MLANA: variants seen among roughly 807,000 people sequenced by gnomAD.
MLANA encodes melan-A, also known as melanoma antigen recognized by T-cells 1.
In MLANA, 21 loss-of-function variants were observed where a neutral mutation model predicts 15.7. The ratio of observed to expected loss-of-function variants is 1.33; its 90% CI spans 0.95 to 1.92. The LOEUF is 1.92. Ranked by LOEUF, MLANA falls within the 40% of genes most tolerant of loss-of-function variation. The probability of loss-of-function intolerance (pLI) is 0.00; values close to 1 mark genes in which losing one functional copy is unlikely to be tolerated. For synonymous variants in MLANA, 56 were observed against 51.5 expected, an observed-to-expected ratio of 1.09 and a Z score of -0.37; for missense variants, 164 against 143.8, an observed-to-expected ratio of 1.14 and a Z score of -0.72.
In MLANA at chr9:5,894,011, C is replaced by A. The variant is rs746666224; in HGVS notation, c.77+1460C>A. Among the ~76,000 whole-genome samples, 1 of 151,256 alleles carries A rather than the reference C, an allele frequency of 6.6e-6. No homozygotes were observed. Among genetic ancestry groups the A allele is most frequent in the Non-Finnish European group, 1.5e-5 (1 of 67,930 alleles). ...GGAAATGTGTGGCCAGACATGGTGG[C>A]GCTGGGATTTAAATCCAGGTCTGTT... is the stretch of plus-strand genomic sequence containing the variant. On this transcript the variant is annotated intron_variant, in intron 2 of 4. Coordinates refer to ENST00000381477, the MANE Select transcript of MLANA (RefSeq NM_005511.2). This position sits in a 1 kb window ranked among gnomAD's most constrained non-coding sequence, Gnocchi z 4.0.
intron 3 of MLANA, among the ~76,000 whole-genome samples, chr9:5,905,880 A>G (rs1195926325): frequency 6.6e-6 from 1 of 152,222 alleles, no homozygotes; most frequent in African/African-American, 2.4e-5. Flanking sequence ...ATGGTCATTC[A>G]TATCGGCACA....
intron 2 of MLANA, among the ~76,000 whole-genome samples, chr9:5,895,966 T>C (rs897174218): frequency 6.6e-6 from 1 of 152,150 alleles, no homozygotes; most frequent in Non-Finnish European, 1.5e-5. Flanking sequence ...AGCACAGGCA[T>C]GTTGGGAGTT....
chr9:5,893,514 G>A (rs1412156604), intron 2 of MLANA, among the ~76,000 whole-genome samples: 1 of 152,166 alleles, frequency 6.6e-6, no homozygotes, highest in Non-Finnish European at 1.5e-5. Flanking sequence ...AGAAGACCCT[G>A]GTATAGGATC....
chr9:5,908,293 A>T (rs1342943064), intron 4 of MLANA, among the ~76,000 whole-genome samples: 3 of 152,240 alleles, frequency 2.0e-5, no homozygotes, highest in Non-Finnish European at 4.4e-5. Context: ...CACAATTACA[A>T]CGATCTCTGT....
chr9:5,900,648 T>C (rs1010080727), intron 3 of MLANA, among the ~76,000 whole-genome samples: 4 of 152,174 alleles, frequency 2.6e-5, no homozygotes, highest in Non-Finnish European at 4.4e-5. Context: ...CTTTTCAACT[T>C]CCATTTGTCC....
intron 3 of MLANA, chr9:5,899,296 G>A (rs1209331235): frequency 6.6e-6 from 1 of 152,184 alleles, no homozygotes; most frequent in Non-Finnish European, 1.5e-5. Flanking sequence ...GGGGATTGAA[G>A]CTTGGCAAGC....
At chr9:5,904,512 G>A (rs1175645568) in intron 3 of MLANA, among the ~76,000 whole-genome samples, 7 of 151,824 alleles carry the variant, frequency 4.6e-5, no homozygotes, top group East Asian at 1.9e-4. Context: ...TCACTCTGTC[G>A]CCCAGGCTGG....
chr9:5,908,685 T>C lies in MLANA; in HGVS notation c.334T>C (p.Ser112Pro), dbSNP rs1832972871. ...TTATGAGAAACTCTCTGCAGAACAG[T>C]CACCACCACCTTATTCACCTTAAGA... ...PAYEKLSAEQ[S>P]PPPYSP Residue 112 changes from serine (S) to proline (P), a missense_variant, in exon 5 of 5, where the codon TCA becomes CCA. Transcript: ENST00000381477. The C allele has an allele frequency of 6.2e-7, 1 of 1,614,134 alleles. No individual in the cohort carries two copies. Among genetic ancestry groups the C allele is most frequent in the East Asian group, 2.2e-5 (1 of 44,868 alleles).
At position 5,908,685 on chromosome 9, in the gene MLANA, TCAC is replaced by T; in HGVS notation, c.342_344del (p.Pro115del). 1 of 1,614,134 alleles carries T rather than the reference TCAC, an allele frequency of 6.2e-7. No homozygotes were observed. Among genetic ancestry groups the T allele is most frequent in the Non-Finnish European group, 8.5e-7 (1 of 1,179,970 alleles). On this transcript the variant is annotated inframe_deletion, in exon 5 of 5. Coordinates refer to ENST00000381477, the MANE Select transcript of MLANA (RefSeq NM_005511.2). ...TTATGAGAAACTCTCTGCAGAACAG[TCAC>T]CACCACCTTATTCACCTTAAGAGCC...
At chr9:5,900,172 T>C (rs1236272489) in intron 3 of MLANA, among the ~76,000 whole-genome samples, 1 of 152,212 alleles carries the variant, frequency 6.6e-6, no homozygotes, top group Non-Finnish European at 1.5e-5. Context: ...GCTCTCATCT[T>C]AAATTCATTT....
intron 3 of MLANA, among the ~76,000 whole-genome samples, chr9:5,906,338 A>G (rs1033790906): frequency 2.7e-5 from 4 of 150,030 alleles, no homozygotes; most frequent in Non-Finnish European, 5.9e-5. Flanking sequence ...TCAAAAAAAA[A>G]AAAAGAAAAG....
chr9:5,902,567 C>G (rs978679829), intron 3 of MLANA, among the ~76,000 whole-genome samples: 1 of 151,854 alleles, frequency 6.6e-6, no homozygotes, highest in African/African-American at 2.4e-5. Context: ...TGGGCTCAAG[C>G]ACTCCAATCC....
chr9:5,898,421 A>G (rs917430397), intron 3 of MLANA, among the ~76,000 whole-genome samples: 1 of 152,172 alleles, frequency 6.6e-6, no homozygotes, highest in Non-Finnish European at 1.5e-5. Context: ...TAATCCATTC[A>G]TGAGGACAGA....
At chr9:5,893,682 T>C (rs1036268648) in intron 2 of MLANA, among the ~76,000 whole-genome samples, 17 of 152,178 alleles carry the variant, frequency 1.1e-4, no homozygotes, top group African/African-American at 3.9e-4. Flanking sequence ...ACAGACTCTT[T>C]AAAATATACT....
At chr9:5,903,299 G>A (rs533449033) in intron 3 of MLANA, among the ~76,000 whole-genome samples, 2 of 152,274 alleles carry the variant, frequency 1.3e-5, no homozygotes, top group African/African-American at 2.4e-5. Flanking sequence ...TTCTGTTGTC[G>A]TTGGATGAAG....
rs530416831 is a variant in MLANA at position 5,894,425 on chromosome 9, C to T, written c.77+1874C>T. ...GTACCCACAGAATGCTGCTTCTACC[C>T]CCGTGTCTGGGGTAACAAACGGAAG... On this transcript the variant is annotated intron_variant, in intron 2 of 4. Transcript: ENST00000381477. This position sits in a 1 kb window ranked among gnomAD's most constrained non-coding sequence, Gnocchi z 4.0. Among the ~76,000 whole-genome samples, 2 of 152,270 alleles carry T rather than the reference C, an allele frequency of 1.3e-5. No individual in the cohort carries two copies. The highest frequency in any genetic ancestry group is 6.5e-5 in the Admixed American group (1 of 15,292).
At chr9:5,900,341 A>C (rs4740830) in intron 3 of MLANA, among the ~76,000 whole-genome samples, 96,686 of 151,978 alleles carry the variant, frequency 0.64, 32,815 homozygotes, top group Non-Finnish European at 0.75. Context: ...ATCGTGTTTA[A>C]ATTTCCTGGT....
chr9:5,892,349 G>T (rs1014653746), intron 1 of MLANA, 101 bp from the exon 2 acceptor site: 1 of 707,186 alleles, frequency 1.4e-6, no homozygotes, highest in East Asian at 2.9e-5. Context: ...CCTGGCTATG[G>T]ATATTGGTCA....
intron 3 of MLANA, chr9:5,897,965 G>A (rs887267205): frequency 1.8e-5 from 5 of 284,474 alleles, no homozygotes; most frequent in African/African-American, 1.1e-4. Context: ...AAGATCTAGG[G>A]GCCACACCTG....
Sources: gnomAD v4.1 joint callset for allele counts (sites outside exome capture counted in the v4.1 genomes callset) on GRCh38, gnomAD v4.1.1 for gene constraint, Gnocchi (gnomAD v3.1) non-coding constraint, MANE v1.5 for transcripts, NCBI Gene and HGNC (gene_info 2026-07-23, HGNC 2026-07-21) for gene names.